Variants in SMU1 observed in about 807,000 individuals in gnomAD.
SMU1 encodes the protein SMU1 DNA replication regulator and spliceosomal factor.
Under a neutral mutation model 62.0 loss-of-function variants are expected in SMU1, and 2 were observed. That is an observed-to-expected ratio of 0.03 (90% CI 0.01 to 0.10). The LOEUF (loss-of-function observed/expected upper bound fraction) is 0.10, where lower values mean the gene tolerates loss of function less well. SMU1 is among the 10% of genes least tolerant of loss of function. SMU1 has a pLI of 1.00. For missense variants in SMU1, 227 were observed against 622.1 expected (o/e 0.36, Z 6.76); for synonymous variants, 188 against 212.4 (o/e 0.89, Z 1.00).
intron 2 of SMU1, among the ~76,000 whole-genome samples, chr9:33,073,072 G>A (rs1416830839): frequency 6.6e-6 from 1 of 152,116 alleles, no homozygotes; most frequent in African/African-American, 2.4e-5. Flanking sequence ...AATGGCTCAG[G>A]ATAGGTAGGA....
chr9:33,050,896 C>T lies in SMU1; in HGVS notation c.1290+2227G>A, dbSNP rs1182921155. ...CAGCACTTTGGGAGGCCGAGGCGGG[C>T]GGATCACGAGGTCAGGAGATCGAGA... On this transcript the variant is annotated intron_variant, in intron 10 of 11. Coordinates refer to ENST00000397149, the MANE Select transcript of SMU1 (RefSeq NM_018225.3). Among the ~76,000 whole-genome samples, 8 of 69,922 alleles carry T rather than the reference C, an allele frequency of 1.1e-4. 1 individual carries two copies. Among genetic ancestry groups the T allele is most frequent in the East Asian group, 5.4e-4 (2 of 3,692 alleles). The allele number at this position is 69,922 out of a possible 152,430, so 45.9% of individuals were successfully genotyped here.
chr9:33,064,310 A>G (rs1342594433), intron 4 of SMU1, among the ~76,000 whole-genome samples: 1 of 152,066 alleles, frequency 6.6e-6, no homozygotes, highest in Non-Finnish European at 1.5e-5. Flanking sequence ...AAATCTGTTT[A>G]CCTTTTCCTT....
intron 9 of SMU1, among the ~76,000 whole-genome samples, chr9:33,055,175 C>T (rs1045160492): frequency 6.6e-6 from 1 of 150,726 alleles, no homozygotes; most frequent in African/African-American, 2.4e-5. Context: ...TATATATATA[C>T]ATACATTTAT....
At chr9:33,062,290 C>G (rs950049739) in intron 4 of SMU1, 113 bp from the exon 5 acceptor site, 38 of 1,413,204 alleles carry the variant, frequency 2.7e-5, no homozygotes, top group Non-Finnish European at 3.6e-5. Context: ...TGTGAGCCAT[C>G]TAAACCCCAA....
intron 9 of SMU1, among the ~76,000 whole-genome samples, chr9:33,054,208 G>A (rs1352896741): frequency 1.3e-5 from 2 of 149,262 alleles, no homozygotes; most frequent in Admixed American, 6.7e-5. Context: ...ATGAGATCTC[G>A]CTATTTTGCC....
intron 4 of SMU1, among the ~76,000 whole-genome samples, chr9:33,067,978 C>T (rs1211372241): frequency 6.6e-6 from 1 of 152,142 alleles, no homozygotes; most frequent in African/African-American, 2.4e-5. Context: ...AATGACCATG[C>T]TGGCAACACT....
At position 33,076,585 on chromosome 9, in the gene SMU1, C is replaced by G; in HGVS notation, c.24G>C (p.Ser8=). The G allele has an allele frequency of 6.2e-7, 1 of 1,613,882 alleles. No homozygotes were observed. The stretch of plus-strand genomic sequence containing the variant: ...AACATCCCCACCGCAGGACTCACTC[C>G]GAAGATTCGATTTCGATCGACATAG... MSIEIES[S]DVIRLIMQYL... is the part of the protein sequence containing the mutation. Residue 8 remains serine, a splice_region_variant and synonymous_variant, in exon 1 of 12, where the codon TCG becomes TCC. Transcript: ENST00000397149.
At chr9:33,056,395 TATCAAACA>T in intron 8 of SMU1, 156 bp from the exon 9 acceptor site, 1 of 370,850 alleles carries the variant, frequency 2.7e-6, no homozygotes, top group Non-Finnish European at 3.7e-6. Context: ...ATTTTCACTA[TATCAAACA>T]ATCAAACAAA....
intron 4 of SMU1, among the ~76,000 whole-genome samples, chr9:33,064,796 G>A (rs1295088102): frequency 2.0e-5 from 3 of 151,118 alleles, no homozygotes; most frequent in African/African-American, 7.3e-5. Flanking sequence ...AGGCTGGAGT[G>A]CAGTGGCGCG....
In SMU1 at chr9:33,047,275, T is replaced by A. The variant is rs376557436; in HGVS notation, c.*18A>T. 1.1e-5 allele frequency: 18 copies of A among 1,570,572 alleles called. No homozygotes were observed. Among genetic ancestry groups the A allele is most frequent in the Non-Finnish European group, 1.6e-5 (18 of 1,143,850 alleles). On this transcript the variant is annotated 3_prime_UTR_variant, in exon 12 of 12. Transcript: ENST00000397149. ...TTTAAGTACATGCTTTCGAGCTGAT[T>A]TAAAAAGAAAAGTTGAATTATGGTT... is the stretch of plus-strand genomic sequence containing the variant.
At position 33,043,388 on chromosome 9, in the gene SMU1, A is replaced by T. The variant is rs1839146859; in HGVS notation, c.*3905T>A. The T allele has an allele frequency of 6.6e-6, 1 of 152,208 alleles. No individual in the cohort carries two copies. Among genetic ancestry groups the T allele is most frequent in the South Asian group, 2.1e-4 (1 of 4,832 alleles). The allele number at this position is 152,208 out of a possible 1,614,324, so 9.4% of individuals were successfully genotyped here. The stretch of plus-strand genomic sequence containing the variant: ...ATTAAAACACCTTTTGTATATGCGG[A>T]AACTACCCTGTAGTCTACCTGCTCT... On this transcript the variant is annotated 3_prime_UTR_variant, in exon 12 of 12. Coordinates refer to ENST00000397149, the MANE Select transcript of SMU1 (RefSeq NM_018225.3).
At position 33,043,891 on chromosome 9, in the gene SMU1, G is replaced by T. The variant is rs1232958214; in HGVS notation, c.*3402C>A. On this transcript the variant is annotated 3_prime_UTR_variant, in exon 12 of 12. Coordinates refer to ENST00000397149, the MANE Select transcript of SMU1 (RefSeq NM_018225.3). Reference sequence around the variant, plus strand: ...TATGGCTGCTTACATAGCAAGGAAGGGCTCAACAGAGGCCGTTAGTGGTAG... The same window carrying T: ...TATGGCTGCTTACATAGCAAGGAAGTGCTCAACAGAGGCCGTTAGTGGTAG... The T allele has an allele frequency of 4.6e-5, 7 of 151,788 alleles. No individual in the cohort carries two copies. The East Asian group carries it at 1.4e-3, about 29-fold the overall frequency. The allele number at this position is 151,788 out of a possible 1,614,324, so 9.4% of individuals were successfully genotyped here. A position where few individuals can be genotyped will look rare whatever the true frequency, so the allele number is the denominator to read the frequency against.
intron 3 of SMU1, among the ~76,000 whole-genome samples, chr9:33,069,277 A>T (rs945052700): frequency 2.0e-5 from 3 of 152,186 alleles, no homozygotes; most frequent in Non-Finnish European, 4.4e-5. Context: ...TTTTTGAAAA[A>T]TTTGCAGAAC....
At chr9:33,062,229 G>A (rs1185202946) in intron 4 of SMU1, 52 bp from the exon 5 acceptor site, 1 of 1,561,196 alleles carries the variant, frequency 6.4e-7, no homozygotes, top group African/African-American at 1.4e-5. Context: ...TTTAAGATCT[G>A]GTCATAAGTG....
chr9:33,052,444 C>T (rs1448505017), intron 10 of SMU1, among the ~76,000 whole-genome samples: 1 of 152,174 alleles, frequency 6.6e-6, no homozygotes, highest in Non-Finnish European at 1.5e-5. Context: ...GCGGACCAGC[C>T]ATCTCAGCTA....
At chr9:33,066,214 G>A (rs1389445317) in intron 4 of SMU1, among the ~76,000 whole-genome samples, 2 of 152,052 alleles carry the variant, frequency 1.3e-5, no homozygotes, top group East Asian at 1.9e-4. Flanking sequence ...AACAAACAGG[G>A]AAGGGGAAAA....
chr9:33,067,764 G>C (rs1174144737), intron 4 of SMU1, among the ~76,000 whole-genome samples: 2 of 152,030 alleles, frequency 1.3e-5, no homozygotes, highest in African/African-American at 4.8e-5. Context: ...CTCCCAAAGT[G>C]CTGGGATTAC....
At chr9:33,072,492 G>C (rs1761553718) in intron 2 of SMU1, among the ~76,000 whole-genome samples, 1 of 152,110 alleles carries the variant, frequency 6.6e-6, no homozygotes, top group Non-Finnish European at 1.5e-5. Flanking sequence ...CCTTTCTCCA[G>C]TTACCAAAAT....
Position 33,060,402 on chromosome 9 carries a change from G to C in SMU1, c.750+63C>G, listed in dbSNP as rs1587709495. The C allele has an allele frequency of 7.2e-6, 10 of 1,382,540 alleles. No individual in the cohort carries two copies. The East Asian group carries it at 2.3e-4, about 32-fold the overall frequency. The allele number at this position is 1,382,540 out of a possible 1,614,324, so 85.6% of individuals were successfully genotyped here. A position where few individuals can be genotyped will look rare whatever the true frequency, so the allele number is the denominator to read the frequency against. On this transcript the variant is annotated intron_variant, in intron 6 of 11. Coordinates refer to ENST00000397149, the MANE Select transcript of SMU1 (RefSeq NM_018225.3). Reference sequence around the variant, plus strand: ...CAACTAATCTGATTTAGAGGCCATAGGTAAGTAATTCAAAGCAGGTAATTT... The same window carrying C: ...CAACTAATCTGATTTAGAGGCCATACGTAAGTAATTCAAAGCAGGTAATTT...
Sources: allele counts gnomAD v4.1 joint callset (sites outside exome capture counted in the v4.1 genomes callset), GRCh38; gene constraint gnomAD v4.1.1; transcripts MANE v1.5; gene names NCBI Gene and HGNC (gene_info 2026-07-23, HGNC 2026-07-21).